The following ZFAT variants were observed in gnomAD, a reference collection of about 807,000 sequenced individuals.
ZFAT encodes zinc finger and AT-hook domain containing, also known as zinc finger protein ZFAT.
In ZFAT, 64 loss-of-function variants were observed where a neutral mutation model predicts 117.7. That is an observed-to-expected ratio of 0.54 (90% confidence interval 0.44 to 0.67). The LOEUF is 0.67. Ranked by LOEUF, ZFAT falls within the 30% of genes least tolerant of loss-of-function variation. ZFAT has a pLI of 0.00. For missense variants in ZFAT, 1,433 were observed against 1,584.5 expected (o/e 0.90, Z 1.62); for synonymous variants, 679 against 615.0 (o/e 1.10, Z -1.54).
At chr8:134,632,067 T>G (rs1829928205) in intron 3 of ZFAT, among the ~76,000 whole-genome samples, 1 of 152,176 alleles carries the variant, frequency 6.6e-6, no homozygotes. Flanking sequence ...AGTTGACCCT[T>G]GAACAACATG....
chr8:134,755,838 A>G, the ZFAT span, among the ~76,000 whole-genome samples: 2 of 145,688 alleles, frequency 1.4e-5, no homozygotes, highest in African/African-American at 2.5e-5. Context: ...AAAAAAAAAG[A>G]AAAAGAAAAA....
In ZFAT at chr8:134,501,605, G is replaced by A. The variant is rs569541902; in HGVS notation, c.3492+8014C>T. ...TCCATTACGGTGCGAGAGAATACAG[G>A]TCTGCTATTGTAATGTACCACACAC... On this transcript the variant is annotated intron_variant, in intron 15 of 15. Coordinates refer to ENST00000377838, the MANE Select transcript of ZFAT (RefSeq NM_020863.4). 2.6e-3 allele frequency among the ~76,000 whole-genome samples: 395 copies of A among 152,240 alleles called. 1 individual carries two copies. Among genetic ancestry groups the A allele is most frequent in the Non-Finnish European group, 4.0e-3 (269 of 68,022 alleles).
At chr8:134,795,245 T>C in the ZFAT span, 1 of 152,194 alleles carries the variant, frequency 6.6e-6, no homozygotes, top group African/African-American at 2.4e-5. Context: ...GGTCTGGTCA[T>C]CGGAAAGATC....
chr8:134,557,880 A>G (rs1037937915), intron 11 of ZFAT, among the ~76,000 whole-genome samples: 2 of 152,202 alleles, frequency 1.3e-5, no homozygotes, highest in African/African-American at 4.8e-5. Flanking sequence ...CAGACACAAA[A>G]AAGAACTAGC....
At chr8:134,828,023 C>T in the ZFAT span, among the ~76,000 whole-genome samples, 1 of 152,126 alleles carries the variant, frequency 6.6e-6, no homozygotes, top group African/African-American at 2.4e-5. Context: ...GTAGTATACT[C>T]ACCTTTTTTA....
At chr8:134,761,124 C>T in the ZFAT span, among the ~76,000 whole-genome samples, 1 of 152,172 alleles carries the variant, frequency 6.6e-6, no homozygotes, top group Admixed American at 6.5e-5. Flanking sequence ...ACAGAAAGCC[C>T]TGCTGATTGG....
rs1819554996 is a variant in ZFAT at position 134,508,235 on chromosome 8, T to C, written c.3492+1384A>G. ...TTACTAATTCCCCCAGAGAACTACT[T>C]GGCCTGAATTTCATGCTTTGCATTG... On this transcript the variant is annotated intron_variant, in intron 15 of 15. Coordinates refer to ENST00000377838, the MANE Select transcript of ZFAT (RefSeq NM_020863.4). 2.0e-5 allele frequency among the ~76,000 whole-genome samples: 3 copies of C among 152,198 alleles called. No individual in the cohort carries two copies. The South Asian group carries it at 6.2e-4, about 32-fold the overall frequency.
At chr8:134,815,012 C>A in the ZFAT span, among the ~76,000 whole-genome samples, 1 of 152,166 alleles carries the variant, frequency 6.6e-6, no homozygotes, top group African/African-American at 2.4e-5. Flanking sequence ...AATCTAAGTT[C>A]CCTCTTCTAT....
chr8:134,828,198 A>AT, the ZFAT span, among the ~76,000 whole-genome samples: 1 of 152,086 alleles, frequency 6.6e-6, no homozygotes, highest in Non-Finnish European at 1.5e-5. Context: ...TTTAATCTTC[A>AT]TTTTTACTCA....
At chr8:134,819,149 CAACA>C in the ZFAT span, among the ~76,000 whole-genome samples, 1 of 151,556 alleles carries the variant, frequency 6.6e-6, no homozygotes, top group Non-Finnish European at 1.5e-5. Flanking sequence ...TTCTCAACAA[CAACA>C]AACAAAAGCC....
chr8:134,707,470 G>A (rs141214784), intron 1 of ZFAT, among the ~76,000 whole-genome samples: 5 of 152,306 alleles, frequency 3.3e-5, no homozygotes, highest in African/African-American at 1.2e-4. Context: ...CTAAGGGGCA[G>A]AGAAATGGTA....
chr8:134,825,964 T>C, the ZFAT span, among the ~76,000 whole-genome samples: 3 of 148,490 alleles, frequency 2.0e-5, no homozygotes, highest in East Asian at 2.0e-4. Context: ...GAGCTTGCAG[T>C]GAGCCGAGAT....
chr8:134,712,834 G>A lies in ZFAT; in HGVS notation c.19+11C>T. ...CCACCCCGTCTCACCCCAACCCCCA[G>A]CCCGGCTCACCTGCCGCCCGCGTCT... is the stretch of plus-strand genomic sequence containing the variant. On this transcript the variant is annotated intron_variant, in intron 1 of 15. Transcript: ENST00000377838. 2.1e-6 allele frequency: 1 copy of A among 486,796 alleles called. No individual in the cohort carries two copies. Among genetic ancestry groups the A allele is most frequent in the African/African-American group, 2.9e-5 (1 of 34,660 alleles). 30.2% of individuals were successfully genotyped at this position (486,796 alleles called of 1,614,324 possible). A position where few individuals can be genotyped will look rare whatever the true frequency, so the allele number is the denominator to read the frequency against.
At chr8:134,813,177 A>C in the ZFAT span, among the ~76,000 whole-genome samples, 1 of 152,220 alleles carries the variant, frequency 6.6e-6, no homozygotes, top group Non-Finnish European at 1.5e-5. Context: ...GATCTGCACA[A>C]AATAAAGATG....
intron 10 of ZFAT, among the ~76,000 whole-genome samples, chr8:134,582,955 C>T (rs1825809938): frequency 6.6e-6 from 1 of 152,174 alleles, no homozygotes; most frequent in African/African-American, 2.4e-5. Context: ...AATCTTGTTA[C>T]ATGAAGTATT....
intron 2 of ZFAT, among the ~76,000 whole-genome samples, chr8:134,643,238 C>T (rs1314176278): frequency 6.6e-6 from 1 of 152,214 alleles, no homozygotes; most frequent in African/African-American, 2.4e-5. Flanking sequence ...ATGGCAGAAT[C>T]AGGAATTGAA....
intron 15 of ZFAT, among the ~76,000 whole-genome samples, chr8:134,494,490 G>A (rs1000940265): frequency 9.9e-5 from 15 of 152,078 alleles, no homozygotes; most frequent in African/African-American, 1.4e-4. Context: ...CTCAGCTGAC[G>A]CACACTCTTC....
intron 10 of ZFAT, among the ~76,000 whole-genome samples, chr8:134,568,951 G>A (rs1395744272): frequency 6.6e-6 from 1 of 152,216 alleles, no homozygotes; most frequent in East Asian, 1.9e-4. Context: ...TACTCGAGGT[G>A]AGATTGACCT....
At chr8:134,793,915 T>C in the ZFAT span, 7 of 152,152 alleles carry the variant, frequency 4.6e-5, no homozygotes, top group African/African-American at 1.4e-4. Flanking sequence ...AATAACTGAA[T>C]GTAGTCACAG....
Sources: allele counts gnomAD v4.1 joint callset (sites outside exome capture counted in the v4.1 genomes callset), GRCh38; gene constraint gnomAD v4.1.1; transcripts MANE v1.5; gene names NCBI Gene and HGNC (gene_info 2026-07-23, HGNC 2026-07-21).